EHBP1: variants seen among roughly 807,000 people sequenced by gnomAD.
The protein encoded by EHBP1 is EH domain-binding protein 1.
EHBP1 carries 55 observed loss-of-function variants against 144.0 expected under a neutral mutation model. The observed-to-expected ratio is 0.38, with a 90% CI of 0.31 to 0.48. EHBP1 has a LOEUF of 0.48. Ranked by LOEUF, EHBP1 falls within the 20% of genes least tolerant of loss-of-function variation. The pLI is 0.98. For synonymous variants in EHBP1, 469 were observed against 472.7 expected (o/e 0.99, Z 0.10); for missense variants, 1,200 against 1,364.2 (o/e 0.88, Z 1.90).
intron 19 of EHBP1, among the ~76,000 whole-genome samples, chr2:63,014,436 T>G (rs747873536): frequency 1.3e-5 from 2 of 152,204 alleles, no homozygotes; most frequent in South Asian, 2.1e-4. Context: ...ACATACTTGT[T>G]TAGGGCATAA....
At chr2:62,725,545 A>G (rs1572977374) in intron 2 of EHBP1, among the ~76,000 whole-genome samples, 1 of 152,194 alleles carries the variant, frequency 6.6e-6, no homozygotes, top group South Asian at 2.1e-4. Flanking sequence ...TACTCAGGGC[A>G]GCAGGGAGTC....
chr2:63,033,278 A>G (rs994836939), intron 19 of EHBP1, among the ~76,000 whole-genome samples: 3 of 152,132 alleles, frequency 2.0e-5, no homozygotes, highest in African/African-American at 7.2e-5. Context: ...CATCAGGACA[A>G]TTTGTAATGG....
intron 8 of EHBP1, among the ~76,000 whole-genome samples, chr2:62,863,840 GTTTTTTTT>G (rs70962797): frequency 1.2e-5 from 1 of 82,734 alleles, no homozygotes; most frequent in African/African-American, 4.8e-5. Flanking sequence ...TTTCTGTGTT[GTTTTTTTT>G]TTTTTTTTTT....
chr2:62,820,657 A>G lies in EHBP1; in HGVS notation c.313-5430A>G, dbSNP rs1387034274. Among the ~76,000 whole-genome samples the G allele has an allele frequency of 2.0e-5, 3 of 148,290 alleles. No homozygotes were observed. In the East Asian group the frequency reaches 5.9e-4, roughly 29 times the overall value. On this transcript the variant is annotated intron_variant, in intron 5 of 22. Coordinates refer to ENST00000431489, the MANE Select transcript of EHBP1 (RefSeq NM_001142616.3). ...ACCATAATGTCATCAAGGTTCATCTATATTGTTGCATACGTCAAAATGTCC... is the reference window on the plus strand; with the variant it reads ...ACCATAATGTCATCAAGGTTCATCTGTATTGTTGCATACGTCAAAATGTCC...
chr2:62,789,528 A>T (rs1447889252), intron 5 of EHBP1, among the ~76,000 whole-genome samples: 1 of 152,182 alleles, frequency 6.6e-6, no homozygotes, highest in East Asian at 1.9e-4. Flanking sequence ...AGTGCCTCAA[A>T]CGTGCACAAC....
chr2:62,957,640 G>GTTTTTTTTT (rs771682026), intron 14 of EHBP1, among the ~76,000 whole-genome samples: 5 of 69,700 alleles, frequency 7.2e-5, no homozygotes, highest in African/African-American at 3.6e-4. Context: ...GAAAATAAAT[G>GTTTTTTTTT]CTTTTTTTTT....
intron 21 of EHBP1, among the ~76,000 whole-genome samples, chr2:63,040,845 A>G (rs2061627640): frequency 6.6e-6 from 1 of 152,218 alleles, no homozygotes; most frequent in South Asian, 2.1e-4. Context: ...CTCTGTGAAG[A>G]CAGTGTCCTC....
intron 7 of EHBP1, among the ~76,000 whole-genome samples, chr2:62,853,756 C>G (rs1247617964): frequency 1.3e-5 from 2 of 152,182 alleles, no homozygotes; most frequent in African/African-American, 4.8e-5. Context: ...GAACTGTGTG[C>G]TGCAGAAACA....
intron 3 of EHBP1, among the ~76,000 whole-genome samples, chr2:62,756,077 C>T (rs1056943892): frequency 8.1e-5 from 12 of 148,624 alleles, no homozygotes; most frequent in East Asian, 2.0e-4. Context: ...AGTTTGAGAC[C>T]GGCATGGGCG....
chr2:63,042,640 C>T (rs1032951748), intron 21 of EHBP1, among the ~76,000 whole-genome samples: 2 of 151,764 alleles, frequency 1.3e-5, no homozygotes, highest in African/African-American at 2.4e-5. Context: ...CATTACTGAG[C>T]TAGGGAAAAG....
intron 2 of EHBP1, among the ~76,000 whole-genome samples, chr2:62,730,412 T>C (rs979189508): frequency 6.6e-6 from 1 of 152,176 alleles, no homozygotes; most frequent in Non-Finnish European, 1.5e-5. Flanking sequence ...TTAGGTAGAC[T>C]TTTTAGATTG....
intron 5 of EHBP1, among the ~76,000 whole-genome samples, chr2:62,796,105 A>G (rs563190224): frequency 6.6e-6 from 1 of 151,990 alleles, no homozygotes; most frequent in East Asian, 1.9e-4. Flanking sequence ...GATAATTCCA[A>G]TTTAAAATGG....
chr2:62,752,302 G>A (rs373497194), intron 3 of EHBP1, among the ~76,000 whole-genome samples: 4 of 152,118 alleles, frequency 2.6e-5, no homozygotes, highest in African/African-American at 7.2e-5. Context: ...TTTGAGTGAG[G>A]TTCTTAATCC....
chr2:62,994,546 C>T (rs986449618), intron 18 of EHBP1, among the ~76,000 whole-genome samples: 8 of 152,028 alleles, frequency 5.3e-5, no homozygotes, highest in Non-Finnish European at 7.4e-5. Context: ...TTTGATAGAC[C>T]GCAGGGAGAA....
intron 3 of EHBP1, among the ~76,000 whole-genome samples, chr2:62,760,409 G>T (rs757055819): frequency 6.6e-6 from 1 of 152,164 alleles, no homozygotes; most frequent in Non-Finnish European, 1.5e-5. Flanking sequence ...TAAGAAAGAA[G>T]CAGTGTACTA....
chr2:62,841,358 G>T (rs1184738393), intron 7 of EHBP1, among the ~76,000 whole-genome samples: 4 of 115,750 alleles, frequency 3.5e-5, no homozygotes, highest in Admixed American at 1.0e-4. Flanking sequence ...GGGGAGGGGG[G>T]AGGGATAGCA....
chr2:62,757,415 C>CTTTTT (rs869184433), intron 3 of EHBP1, among the ~76,000 whole-genome samples: 2 of 121,888 alleles, frequency 1.6e-5, no homozygotes, highest in African/African-American at 3.1e-5. Flanking sequence ...TTCTTTCTTT[C>CTTTTT]TTTTTTTTTT....
intron 3 of EHBP1, among the ~76,000 whole-genome samples, chr2:62,755,181 G>C (rs2040162542): frequency 6.6e-6 from 1 of 152,200 alleles, no homozygotes; most frequent in Admixed American, 6.5e-5. Context: ...CCAACCCTCA[G>C]AGGTGAACAC....
At position 62,707,170 on chromosome 2, in the gene EHBP1, T is replaced by C; in HGVS notation, c.-22T>C. On this transcript the variant is annotated 5_prime_UTR_variant, in exon 2 of 23. Coordinates refer to ENST00000431489, the MANE Select transcript of EHBP1 (RefSeq NM_001142616.3). Reference sequence around the variant, plus strand: ...TGCTGTATTGCTAACCCAGAACTGCTCCAGTGTCTTGACTGATCATCATGG... The same window carrying C: ...TGCTGTATTGCTAACCCAGAACTGCCCCAGTGTCTTGACTGATCATCATGG... 2 of 1,600,562 alleles carry C rather than the reference T, an allele frequency of 1.2e-6. No individual in the cohort carries two copies. The highest frequency in any genetic ancestry group is 1.7e-6 in the Non-Finnish European group (2 of 1,167,592).
Sources: gnomAD v4.1 joint callset for allele counts (sites outside exome capture counted in the v4.1 genomes callset) on GRCh38, gnomAD v4.1.1 for gene constraint, MANE v1.5 for transcripts, NCBI Gene and HGNC (gene_info 2026-07-23, HGNC 2026-07-21) for gene names.